The following XPO1 variants were observed in gnomAD, a reference collection of about 807,000 sequenced individuals.
The protein encoded by XPO1 is exportin-1.
XPO1 carries 5 observed loss-of-function variants against 133.3 expected under a neutral mutation model. That is an observed-to-expected ratio of 0.04 (90% CI 0.02 to 0.08). XPO1 has a LOEUF of 0.08. Among genes scored for constraint, XPO1 ranks in the 10% least tolerant of loss-of-function variants. The pLI, the probability that XPO1 is intolerant of heterozygous loss-of-function variation, is 1.00. For missense variants in XPO1, 506 were observed against 1,267.5 expected (o/e 0.40, Z 9.12); for synonymous variants, 419 against 408.2 (o/e 1.03, Z -0.32).
chr2:61,483,723 T>C (rs1696528554), intron 21 of XPO1: 1 of 504,400 alleles, frequency 2.0e-6, no homozygotes, highest in African/African-American at 2.0e-5. Context: ...CAATTATTAC[T>C]AGGCCGCTCT....
intron 19 of XPO1, among the ~76,000 whole-genome samples, chr2:61,486,867 G>A (rs1327620059): frequency 1.3e-5 from 2 of 152,032 alleles, no homozygotes; most frequent in Non-Finnish European, 2.9e-5. Flanking sequence ...CTTGAGCTGG[G>A]GTGATTCGCC....
At chr2:61,529,386 C>T (rs1206819747) in intron 2 of XPO1, among the ~76,000 whole-genome samples, 1 of 152,094 alleles carries the variant, frequency 6.6e-6, no homozygotes, top group South Asian at 2.1e-4. Flanking sequence ...GGGTGGGCAC[C>T]GTGGCTCACG....
At chr2:61,533,669 T>C (rs1223854541) in intron 2 of XPO1, 103 bp downstream of exon 2, 5 of 1,271,144 alleles carry the variant, frequency 3.9e-6, no homozygotes, top group East Asian at 5.6e-5. Flanking sequence ...TAATGCAAAC[T>C]ATGGAATATC....
At chr2:61,529,956 A>G (rs141388264) in intron 2 of XPO1, among the ~76,000 whole-genome samples, 4 of 152,326 alleles carry the variant, frequency 2.6e-5, no homozygotes, top group African/African-American at 9.6e-5. Context: ...ACACATTTCT[A>G]TTTGATTTCA....
At chr2:61,481,082 CATTT>C (rs1696326536) in intron 24 of XPO1, 99 bp downstream of exon 24, 3 of 664,516 alleles carry the variant, frequency 4.5e-6, no homozygotes. Flanking sequence ...CTTGAAACCC[CATTT>C]ATTTGGCATG....
At chr2:61,502,218 T>G (rs1697564194) in intron 5 of XPO1, 31 bp downstream of exon 5, 6 of 1,600,876 alleles carry the variant, frequency 3.7e-6, no homozygotes, top group Non-Finnish European at 5.1e-6. Flanking sequence ...GATTTTATGC[T>G]CTCCCAATAA....
At chr2:61,483,736 C>T (rs1463535882) in intron 21 of XPO1, 2 of 554,950 alleles carry the variant, frequency 3.6e-6, no homozygotes, top group Non-Finnish European at 6.2e-6. Flanking sequence ...GCCGCTCTCC[C>T]CATAACTCAA....
intron 2 of XPO1, among the ~76,000 whole-genome samples, chr2:61,532,875 C>T (rs1183719139): frequency 1.3e-5 from 2 of 149,792 alleles, no homozygotes; most frequent in Non-Finnish European, 1.5e-5. Context: ...AAACTTTTTA[C>T]TCATTCAAAA....
At chr2:61,529,702 C>A (rs1254659791) in intron 2 of XPO1, among the ~76,000 whole-genome samples, 1 of 151,836 alleles carries the variant, frequency 6.6e-6, no homozygotes, top group Non-Finnish European at 1.5e-5. Context: ...ATATGCTTAT[C>A]CTGGCTTTGA....
At chr2:61,505,913 G>A (rs1392890869) in intron 4 of XPO1, among the ~76,000 whole-genome samples, 3 of 152,072 alleles carry the variant, frequency 2.0e-5, no homozygotes, top group Non-Finnish European at 4.4e-5. Flanking sequence ...TGTCCTTAAT[G>A]CTCACTACAT....
chr2:61,495,357 G>A, intron 11 of XPO1, 98 bp downstream of exon 11: 3 of 968,910 alleles, frequency 3.1e-6, no homozygotes, highest in Admixed American at 3.0e-5. Flanking sequence ...TAAGTAATAA[G>A]AAATCTCAAA....
rs1699410222 is a variant in XPO1 at position 61,537,597 on chromosome 2, T to TG, written c.-43dup. 1 of 151,018 alleles carries TG rather than the reference T, an allele frequency of 6.6e-6. No homozygotes were observed. Among genetic ancestry groups the TG allele is most frequent in the African/African-American group, 2.4e-5 (1 of 41,124 alleles). 9.4% of individuals were successfully genotyped at this position (151,018 alleles called of 1,614,324 possible). ...AACCAACTGCTCCTTCCTTCCTCGT[T>TG]GGGGGATTAGGGCGAGGGAAGGTGG... On this transcript the variant is annotated 5_prime_UTR_variant, in exon 1 of 25. Coordinates refer to ENST00000401558, the MANE Select transcript of XPO1 (RefSeq NM_003400.4).
At chr2:61,479,310 C>G (rs904059892) in intron 24 of XPO1, among the ~76,000 whole-genome samples, 1 of 152,012 alleles carries the variant, frequency 6.6e-6, no homozygotes, top group African/African-American at 2.4e-5. Context: ...ATTAGCCATG[C>G]ATGGTGGCAC....
chr2:61,495,685 A>G, intron 10 of XPO1, 72 bp from the exon 11 acceptor site: 1 of 1,392,458 alleles, frequency 7.2e-7, no homozygotes. Flanking sequence ...TTTTATTATT[A>G]TTTTTTTGAG....
chr2:61,517,150 C>G (rs1698432939), intron 4 of XPO1, among the ~76,000 whole-genome samples: 1 of 152,190 alleles, frequency 6.6e-6, no homozygotes. Context: ...ATCTGCCCAC[C>G]TCAGCCTCCC....
At chr2:61,484,680 G>T (rs2421200) in intron 20 of XPO1, 71,459 of 152,118 alleles carry the variant, frequency 0.47, 17,039 homozygotes, top group Middle Eastern at 0.53. Flanking sequence ...CCAGGCTGGA[G>T]TGCGTGGCGC....
At position 61,498,761 on chromosome 2, in the gene XPO1, G is replaced by C. The variant is rs1348610211; in HGVS notation, c.671C>G (p.Ala224Gly). 1 of 1,614,016 alleles carries C rather than the reference G, an allele frequency of 6.2e-7. No individual in the cohort carries two copies. Among genetic ancestry groups the C allele is most frequent in the South Asian group, 1.1e-5 (1 of 91,072 alleles). Residue 224 changes from alanine to glycine, a missense_variant, in exon 9 of 25, where the codon GCA becomes GGA. Around this residue, in one of 6 missense-constraint regions of XPO1, gnomAD observed 134 missense variants for 261.6 expected, o/e 0.51. Coordinates refer to ENST00000401558, the MANE Select transcript of XPO1 (RefSeq NM_003400.4). Reference protein sequence around the residue: ...ENSQNAPLVHATLETLLRFLN... With the variant: ...ENSQNAPLVHGTLETLLRFLN... ...AAATCTGAGCAATGTTTCCAAGGTT[G>C]CATGTACAAGTGGAGCATTTTGAGA...
chr2:61,483,780 A>C, intron 21 of XPO1, 157 bp downstream of exon 21: 2 of 768,666 alleles, frequency 2.6e-6, no homozygotes, highest in South Asian at 3.7e-5. Flanking sequence ...GTGGAGTGGA[A>C]CAGTTGATTA....
chr2:61,500,032 G>A, intron 6 of XPO1, 138 bp from the exon 7 acceptor site: 1 of 861,946 alleles, frequency 1.2e-6, no homozygotes, highest in Non-Finnish European at 1.8e-6. Flanking sequence ...ATTAAAGGAA[G>A]AAATGTGCCA....
Sources: gnomAD v4.1 joint callset for allele counts (sites outside exome capture counted in the v4.1 genomes callset) on GRCh38, gnomAD v4.1.1 for gene constraint, gnomAD v4.1.1 regional missense constraint, MANE v1.5 for transcripts, NCBI Gene and HGNC (gene_info 2026-07-23, HGNC 2026-07-21) for gene names.